The following EVI5 variants were observed in gnomAD, a reference collection of about 807,000 sequenced individuals.
EVI5 encodes ecotropic viral integration site 5 protein homolog.
In EVI5, 73 loss-of-function variants were observed where a neutral mutation model predicts 112.0. That is an observed-to-expected ratio of 0.65 (90% CI 0.54 to 0.79). The LOEUF (loss-of-function observed/expected upper bound fraction) is 0.79, where lower values mean the gene tolerates loss of function less well. EVI5 is among the 30% of genes least tolerant of loss of function. The pLI is 0.00. For synonymous variants in EVI5, 305 were observed against 319.9 expected, an observed-to-expected ratio of 0.95 and a Z score of 0.50; for missense variants, 900 against 968.8, an observed-to-expected ratio of 0.93 and a Z score of 0.94.
intron 18 of EVI5, among the ~76,000 whole-genome samples, chr1:92,569,222 T>G (rs532288487): frequency 6.6e-6 from 1 of 152,338 alleles, no homozygotes; most frequent in South Asian, 2.1e-4. Context: ...TTGAGTGAAC[T>G]GGTTGCCTAA....
chr1:92,708,090 T>A (rs951688374), intron 2 of EVI5, among the ~76,000 whole-genome samples: 1 of 152,118 alleles, frequency 6.6e-6, no homozygotes, highest in Non-Finnish European at 1.5e-5. Flanking sequence ...GACTTTGAGT[T>A]AGGTAAAGCC....
At chr1:92,734,197 A>G (rs186540372) in intron 2 of EVI5, among the ~76,000 whole-genome samples, 1 of 152,346 alleles carries the variant, frequency 6.6e-6, no homozygotes, top group Admixed American at 6.5e-5. Flanking sequence ...GGATGAGAGA[A>G]TGATTTTCTT....
intron 10 of EVI5, among the ~76,000 whole-genome samples, chr1:92,669,643 A>C (rs1415611775): frequency 6.6e-6 from 1 of 151,444 alleles, no homozygotes; most frequent in Non-Finnish European, 1.5e-5. Context: ...TCTGTGTGTA[A>C]AGTTTTCCAG....
At chr1:92,658,889 G>C (rs1007827212) in intron 13 of EVI5, among the ~76,000 whole-genome samples, 13 of 152,008 alleles carry the variant, frequency 8.6e-5, no homozygotes, top group Non-Finnish European at 1.3e-4. Context: ...CAGACACACA[G>C]ATCAAAGAAA....
At chr1:92,691,652 C>CAG (rs1282039087) in intron 9 of EVI5, among the ~76,000 whole-genome samples, 1 of 151,454 alleles carries the variant, frequency 6.6e-6, no homozygotes, top group Non-Finnish European at 1.5e-5. Context: ...AATGAAACAA[C>CAG]AGAGAGAGAG....
chr1:92,636,139 A>G (rs1658778056), intron 14 of EVI5, 63 bp downstream of exon 14: 9 of 1,359,424 alleles, frequency 6.6e-6, no homozygotes, highest in Non-Finnish European at 9.3e-6. Flanking sequence ...CTCAGTAAGT[A>G]CTTAATAAAT....
chr1:92,636,179 C>T, intron 14 of EVI5, 23 bp downstream of exon 14: 3 of 1,593,804 alleles, frequency 1.9e-6, no homozygotes, highest in Non-Finnish European at 2.6e-6. Flanking sequence ...TTGGGAATGA[C>T]TGCATTTGTG....
At chr1:92,567,345 G>A (rs1669657148) in intron 18 of EVI5, among the ~76,000 whole-genome samples, 3 of 152,188 alleles carry the variant, frequency 2.0e-5, no homozygotes. Flanking sequence ...TAGATTAACT[G>A]TACTGTGTTT....
At chr1:92,617,874 A>G (rs1352012502) in intron 16 of EVI5, among the ~76,000 whole-genome samples, 1 of 152,118 alleles carries the variant, frequency 6.6e-6, no homozygotes, top group Non-Finnish European at 1.5e-5. Flanking sequence ...CCATCTGTGC[A>G]CTCACGGAAT....
chr1:92,781,597 A>G (rs1684868867), intron 1 of EVI5, among the ~76,000 whole-genome samples: 2 of 152,144 alleles, frequency 1.3e-5, no homozygotes, highest in Admixed American at 1.3e-4. Context: ...TTTCTTAAAT[A>G]GGACACAAAA....
At chr1:92,640,424 C>T (rs188157635) in intron 13 of EVI5, among the ~76,000 whole-genome samples, 176 of 152,000 alleles carry the variant, frequency 1.2e-3, no homozygotes, top group Non-Finnish European at 2.2e-3. Context: ...GAAAAACAAC[C>T]CCATCAAAAA....
chr1:92,774,937 T>A (rs556178812), intron 1 of EVI5, among the ~76,000 whole-genome samples: 4 of 151,984 alleles, frequency 2.6e-5, no homozygotes, highest in Non-Finnish European at 4.4e-5. Context: ...ACTTAGGGGG[T>A]CACAATCAAC....
At chr1:92,662,656 A>G in intron 13 of EVI5, 63 bp downstream of exon 13, 2 of 1,075,926 alleles carry the variant, frequency 1.9e-6, no homozygotes, top group South Asian at 4.1e-5. Flanking sequence ...GTGCTATGAA[A>G]AAAAAAATGA....
rs527847698 is a variant in EVI5, at chr1:92,782,154, T to C, written c.-82+2682A>G. Among the ~76,000 whole-genome samples the C allele has an allele frequency of 4.7e-5, 7 of 150,132 alleles. No homozygotes were observed. In the South Asian group the frequency reaches 1.5e-3, roughly 32 times the overall value. ...CACACCTATAGTCCCAGCTACTCAGTAGGCTGAGGCAGGAGAATTGCTTGA... is the reference window on the plus strand; with the variant it reads ...CACACCTATAGTCCCAGCTACTCAGCAGGCTGAGGCAGGAGAATTGCTTGA... On this transcript the variant is annotated intron_variant, in intron 1 of 19. Transcript: ENST00000684568.
At chr1:92,552,206 A>G (rs10874710) in intron 19 of EVI5, among the ~76,000 whole-genome samples, 92,500 of 151,148 alleles carry the variant, frequency 0.61, 29,171 homozygotes, top group East Asian at 0.92. Context: ...GAACACCAAG[A>G]GAACTGACTG....
At chr1:92,735,310 G>A (rs1051521406) in intron 2 of EVI5, among the ~76,000 whole-genome samples, 3 of 151,984 alleles carry the variant, frequency 2.0e-5, no homozygotes, top group Non-Finnish European at 4.4e-5. Flanking sequence ...ACTACATACT[G>A]TATGATTCCA....
chr1:92,650,561 A>G (rs1661910730), intron 13 of EVI5, among the ~76,000 whole-genome samples: 1 of 152,100 alleles, frequency 6.6e-6, no homozygotes, highest in African/African-American at 2.4e-5. Flanking sequence ...AATTTCTTAC[A>G]GATATGTTTT....
intron 8 of EVI5, 47 bp from the exon 9 acceptor site, chr1:92,693,946 A>G (rs769671295): frequency 4.5e-6 from 5 of 1,114,326 alleles, no homozygotes; most frequent in Non-Finnish European, 6.7e-6. Flanking sequence ...TAGTGCTGTT[A>G]ATAGTGAAAT....
intron 16 of EVI5, among the ~76,000 whole-genome samples, chr1:92,619,367 C>T (rs1263086040): frequency 6.6e-6 from 1 of 152,024 alleles, no homozygotes; most frequent in African/African-American, 2.4e-5. Context: ...CTTTGACTGG[C>T]ACTTCTTGCT....
Sources: gnomAD v4.1 joint callset for allele counts (sites outside exome capture counted in the v4.1 genomes callset) on GRCh38, gnomAD v4.1.1 for gene constraint, MANE v1.5 for transcripts, NCBI Gene and HGNC (gene_info 2026-07-23, HGNC 2026-07-21) for gene names.